TBC1D5: variants seen among roughly 807,000 people sequenced by gnomAD.
TBC1D5 encodes TBC1 domain family member 5.
In TBC1D5, 75 loss-of-function variants were observed where a neutral mutation model predicts 100.3. The observed-to-expected ratio is 0.75, with a 90% CI of 0.62 to 0.91. The LOEUF is 0.91. Ranked by LOEUF, TBC1D5 falls within the 40% of genes least tolerant of loss-of-function variation. The pLI is 0.00. For synonymous variants in TBC1D5, 323 were observed against 325.6 expected, an observed-to-expected ratio of 0.99 and a Z score of 0.09; for missense variants, 910 against 942.4, an observed-to-expected ratio of 0.97 and a Z score of 0.45.
intron 4 of TBC1D5, among the ~76,000 whole-genome samples, chr3:17,410,980 T>C (rs985998727): frequency 1.3e-5 from 2 of 152,152 alleles, no homozygotes; most frequent in Non-Finnish European, 2.9e-5. Context: ...CTACTCTGGG[T>C]AAGATGCTGC....
chr3:17,284,963 A>G (rs1463910335), intron 15 of TBC1D5, among the ~76,000 whole-genome samples: 3 of 152,194 alleles, frequency 2.0e-5, no homozygotes, highest in Admixed American at 1.3e-4. Context: ...GCTCAGAAAC[A>G]AAGAAAAAAC....
At chr3:17,488,739 G>T (rs929168334) in intron 3 of TBC1D5, among the ~76,000 whole-genome samples, 2 of 151,934 alleles carry the variant, frequency 1.3e-5, no homozygotes, top group African/African-American at 4.8e-5. Context: ...ATGATGTTGA[G>T]TATTTTTACC....
chr3:17,699,026 A>G (rs2072661684), intron 1 of TBC1D5, among the ~76,000 whole-genome samples: 1 of 151,680 alleles, frequency 6.6e-6, no homozygotes, highest in South Asian at 2.1e-4. Flanking sequence ...CATTTGACCC[A>G]GCCATCCCAT....
chr3:17,259,254 G>T (rs2078041073), intron 15 of TBC1D5, among the ~76,000 whole-genome samples: 1 of 152,130 alleles, frequency 6.6e-6, no homozygotes, highest in South Asian at 2.1e-4. Context: ...GCCCTTTCTA[G>T]AATGCAACAT....
At chr3:17,705,190 C>G (rs1294002415) in intron 1 of TBC1D5, among the ~76,000 whole-genome samples, 2 of 87,186 alleles carry the variant, frequency 2.3e-5, no homozygotes, top group Non-Finnish European at 4.9e-5. Flanking sequence ...GCTGGCCAGG[C>G]GGGGGGCTGA....
rs1560521138 is a variant in TBC1D5, at chr3:17,706,705, T to C, written c.-101+32638A>G. Among the ~76,000 whole-genome samples the C allele has an allele frequency of 3.3e-5, 5 of 152,172 alleles. No individual in the cohort carries two copies. In the South Asian group the frequency reaches 8.3e-4, roughly 25 times the overall value. ...TTATGACTTATATAATTAGAAGTCA[T>C]AATTATGCATAATTATATATTTGAG... is the stretch of plus-strand genomic sequence containing the variant. On this transcript the variant is annotated intron_variant, in intron 1 of 21. Coordinates refer to ENST00000253692, the Ensembl canonical transcript of TBC1D5.
chr3:17,602,963 C>G (rs1439496426), intron 2 of TBC1D5, among the ~76,000 whole-genome samples: 1 of 151,992 alleles, frequency 6.6e-6, no homozygotes, highest in Non-Finnish European at 1.5e-5. Context: ...ACATCCTGAG[C>G]CTCACTAGTA....
chr3:17,740,147 G>A (rs904341247), exon 1 of TBC1D5: 33 of 151,924 alleles, frequency 2.2e-4, no homozygotes, highest in East Asian at 9.7e-4. Context: ...AAACTCCTCC[G>A]TCTCTACTAA....
chr3:17,199,842 G>T (rs2071237272), intron 18 of TBC1D5, among the ~76,000 whole-genome samples: 2 of 152,290 alleles, frequency 1.3e-5, no homozygotes, highest in African/African-American at 4.8e-5. Context: ...GTTGAATTTG[G>T]TTTATTTAAT....
At chr3:17,549,857 G>A (rs1260222145) in intron 2 of TBC1D5, among the ~76,000 whole-genome samples, 1 of 151,852 alleles carries the variant, frequency 6.6e-6, no homozygotes, top group Non-Finnish European at 1.5e-5. Flanking sequence ...TTGAACCCAG[G>A]GGGCGGAGGT....
At chr3:17,481,859 G>C (rs1455843776) in intron 3 of TBC1D5, among the ~76,000 whole-genome samples, 7 of 152,158 alleles carry the variant, frequency 4.6e-5, no homozygotes, top group Admixed American at 3.9e-4. Context: ...TCCTGCCTCA[G>C]CCTCCCAAGT....
intron 3 of TBC1D5, among the ~76,000 whole-genome samples, chr3:17,446,168 A>C (rs1387782182): frequency 9.1e-6 from 1 of 109,848 alleles, no homozygotes; most frequent in Non-Finnish European, 1.9e-5. Context: ...TATTTCTCCC[A>C]ACCCCATTCC....
At chr3:17,220,821 G>C (rs1208828569) in intron 17 of TBC1D5, among the ~76,000 whole-genome samples, 2 of 151,964 alleles carry the variant, frequency 1.3e-5, no homozygotes, top group Non-Finnish European at 2.9e-5. Flanking sequence ...CTTTTAAAAG[G>C]CCATAGAACA....
intron 1 of TBC1D5, among the ~76,000 whole-genome samples, chr3:17,734,925 C>CAAA (rs34091810): frequency 7.5e-5 from 11 of 145,774 alleles, no homozygotes; most frequent in Admixed American, 5.5e-4. Context: ...GTCTCTACGA[C>CAAA]AAAAAAAAAA....
intron 3 of TBC1D5, among the ~76,000 whole-genome samples, chr3:17,474,800 A>G (rs1309830657): frequency 6.6e-6 from 1 of 152,166 alleles, no homozygotes; most frequent in Non-Finnish European, 1.5e-5. Context: ...GACTTATGAT[A>G]TACATTGCCA....
At chr3:17,713,348 T>C (rs1463942213) in intron 1 of TBC1D5, among the ~76,000 whole-genome samples, 1 of 151,872 alleles carries the variant, frequency 6.6e-6, no homozygotes, top group Non-Finnish European at 1.5e-5. Context: ...TTCACGCCAT[T>C]CTCCTGCCTC....
intron 15 of TBC1D5, among the ~76,000 whole-genome samples, chr3:17,269,029 C>G (rs60471933): frequency 6.6e-6 from 1 of 152,086 alleles, no homozygotes; most frequent in Non-Finnish European, 1.5e-5. Flanking sequence ...GCCTGGAAAG[C>G]CCCTGCCATG....
At chr3:17,523,141 T>C (rs573627418) in intron 2 of TBC1D5, among the ~76,000 whole-genome samples, 1 of 152,286 alleles carries the variant, frequency 6.6e-6, no homozygotes, top group East Asian at 1.9e-4. Flanking sequence ...GGAATCATTA[T>C]TACCCCCATT....
intron 2 of TBC1D5, among the ~76,000 whole-genome samples, chr3:17,566,498 G>C (rs980015130): frequency 2.0e-5 from 3 of 151,676 alleles, no homozygotes; most frequent in African/African-American, 7.3e-5. Context: ...ATAAAAGTAG[G>C]CCCTTCTGTT....
Sources: gnomAD v4.1 joint callset for allele counts (sites outside exome capture counted in the v4.1 genomes callset) on GRCh38, gnomAD v4.1.1 for gene constraint, MANE v1.5 for transcripts, NCBI Gene and HGNC (gene_info 2026-07-23, HGNC 2026-07-21) for gene names.